The following FRAS1 variants were observed in gnomAD, a reference collection of about 807,000 sequenced individuals.
FRAS1 encodes the protein extracellular matrix organizing protein FRAS1.
A neutral mutation model predicts 435.2 loss-of-function variants in FRAS1; 290 were observed. The ratio of observed to expected loss-of-function variants is 0.67; its 90% CI spans 0.61 to 0.73. FRAS1 has a LOEUF of 0.73. Among genes scored for constraint, FRAS1 ranks in the 30% least tolerant of loss-of-function variants. FRAS1 has a pLI of 0.00. For missense variants in FRAS1, 4,860 were observed against 5,001.5 expected, an observed-to-expected ratio of 0.97 and a Z score of 0.85; for synonymous variants, 1,800 against 1,851.0, an observed-to-expected ratio of 0.97 and a Z score of 0.71.
At chr4:78,162,455 A>C (rs1721183132) in intron 2 of FRAS1, among the ~76,000 whole-genome samples, 1 of 152,194 alleles carries the variant, frequency 6.6e-6, no homozygotes, top group East Asian at 1.9e-4. Flanking sequence ...GGACTCCCAC[A>C]TTGCTGAGCA....
chr4:78,466,059 T>C (rs1037519323), intron 49 of FRAS1, 149 bp from the exon 50 acceptor site: 2 of 617,014 alleles, frequency 3.2e-6, no homozygotes, highest in Non-Finnish European at 5.8e-6. Flanking sequence ...TCTCTTTAGC[T>C]CTATCTTTGG....
chr4:78,298,005 T>C (rs925431841), intron 14 of FRAS1, among the ~76,000 whole-genome samples: 2 of 81,854 alleles, frequency 2.4e-5, no homozygotes, highest in Admixed American at 1.2e-4. Flanking sequence ...AATTTGTTCC[T>C]CTCTCTCTCT....
intron 2 of FRAS1, among the ~76,000 whole-genome samples, chr4:78,147,078 T>C (rs1307589282): frequency 6.6e-6 from 1 of 152,170 alleles, no homozygotes; most frequent in Admixed American, 6.6e-5. Context: ...CTGGATGTTT[T>C]ATAGGCTAAT....
chr4:78,463,115 A>G (rs1719419571), intron 47 of FRAS1, among the ~76,000 whole-genome samples: 1 of 152,104 alleles, frequency 6.6e-6, no homozygotes, highest in Non-Finnish European at 1.5e-5. Context: ...AAAAGATGTC[A>G]TTTTCGTTTC....
chr4:78,071,553 A>G (rs1740349738), intron 2 of FRAS1: 1 of 152,184 alleles, frequency 6.6e-6, no homozygotes, highest in Non-Finnish European at 1.5e-5. Context: ...GAGTTAGGTT[A>G]GCTTTTCTCC....
chr4:78,480,081 C>T (rs948439815), intron 56 of FRAS1, among the ~76,000 whole-genome samples: 2 of 152,144 alleles, frequency 1.3e-5, no homozygotes, highest in Admixed American at 6.5e-5. Context: ...GTGTTATGTA[C>T]AATCCAATTA....
intron 1 of FRAS1, 94 bp from the exon 2 acceptor site, chr4:78,065,891 C>A (rs1740010733): frequency 2.3e-6 from 2 of 858,356 alleles, no homozygotes; most frequent in African/African-American, 1.7e-5. Flanking sequence ...GGTTATGATG[C>A]ATATAGATGC....
At chr4:78,254,914 G>T (rs541403465) in intron 5 of FRAS1, among the ~76,000 whole-genome samples, 21 of 152,084 alleles carry the variant, frequency 1.4e-4, no homozygotes, top group African/African-American at 4.8e-4. Context: ...GGTGCATAGG[G>T]CGCATGCAAC....
intron 2 of FRAS1, among the ~76,000 whole-genome samples, chr4:78,118,768 G>C (rs113459357): frequency 1.3e-5 from 2 of 152,138 alleles, no homozygotes; most frequent in African/African-American, 4.8e-5. Context: ...TGCCCTTCCC[G>C]GGTGAGGCAA....
intron 14 of FRAS1, among the ~76,000 whole-genome samples, chr4:78,305,644 G>C (rs1332969867): frequency 6.8e-6 from 1 of 147,700 alleles, no homozygotes; most frequent in African/African-American, 2.5e-5. Context: ...TTTGATGTTT[G>C]TTGGTTTAAA....
At chr4:78,209,100 G>A (rs1026045947) in intron 2 of FRAS1, among the ~76,000 whole-genome samples, 27 of 151,874 alleles carry the variant, frequency 1.8e-4, no homozygotes, top group African/African-American at 2.7e-4. Context: ...AGCTGTGGTC[G>A]TGCCATGACA....
chr4:78,412,689 A>G (rs1488151652), intron 31 of FRAS1, among the ~76,000 whole-genome samples: 2 of 152,232 alleles, frequency 1.3e-5, no homozygotes, highest in Non-Finnish European at 2.9e-5. Flanking sequence ...ACATATGAAT[A>G]TTCACTATTT....
intron 41 of FRAS1, 110 bp from the exon 42 acceptor site, chr4:78,445,412 C>G: frequency 7.3e-7 from 1 of 1,379,220 alleles, no homozygotes. Context: ...ACTTTATCCT[C>G]AAATACATTT....
At chr4:78,235,688 C>T (rs1724721756) in intron 2 of FRAS1, among the ~76,000 whole-genome samples, 1 of 152,204 alleles carries the variant, frequency 6.6e-6, no homozygotes, top group Non-Finnish European at 1.5e-5. Context: ...GTGGCTCATG[C>T]CTGTAGGCCC....
Position 78,540,569 on chromosome 4 carries a change from C to A in FRAS1, c.11484C>A (p.Tyr3828Ter). ...AGHQWYLQVI[Y>*]IIGPDTISGP... The stretch of plus-strand genomic sequence containing the variant: ...ACCAGTGGTATCTCCAGGTCATCTA[C>A]ATCATTGGCCCTGACACCATCTCAG... Residue 3828 changes from tyrosine to a stop codon, truncating the protein, a stop_gained, in exon 74 of 74, where the codon TAC becomes TAA. Coordinates refer to ENST00000512123, the MANE Select transcript of FRAS1 (RefSeq NM_025074.7). LOFTEE classifies it high-confidence loss of function. The A allele has an allele frequency of 6.6e-7, 1 of 1,514,770 alleles. No individual in the cohort carries two copies. The highest frequency in any genetic ancestry group is 2.2e-5 in the Admixed American group (1 of 44,630). The allele number at this position is 1,514,770 out of a possible 1,614,324, so 93.8% of individuals were successfully genotyped here. A position where few individuals can be genotyped will look rare whatever the true frequency, so the allele number is the denominator to read the frequency against.
intron 65 of FRAS1, 52 bp downstream of exon 65, chr4:78,513,604 G>T (rs1721109929): frequency 5.6e-5 from 84 of 1,507,220 alleles, no homozygotes; most frequent in Non-Finnish European, 7.5e-5. Flanking sequence ...CAGTGCAGTT[G>T]ACTTTCAGGA....
chr4:78,390,067 A>G (rs1422012514), intron 29 of FRAS1, among the ~76,000 whole-genome samples: 3 of 152,236 alleles, frequency 2.0e-5, no homozygotes, highest in African/African-American at 7.2e-5. Flanking sequence ...AGCATTCATC[A>G]GGATGTACTA....
chr4:78,203,019 A>C (rs1249556168), intron 2 of FRAS1, among the ~76,000 whole-genome samples: 2 of 152,210 alleles, frequency 1.3e-5, no homozygotes, highest in African/African-American at 4.8e-5. Context: ...CCAAGCTATC[A>C]TTTAAAAAAA....
Position 78,511,467 on chromosome 4 carries a change from T to C in FRAS1, c.9974T>C (p.Leu3325Ser). The C allele has an allele frequency of 6.2e-7, 1 of 1,613,796 alleles. No homozygotes were observed. The highest frequency in any genetic ancestry group is 2.2e-5 in the East Asian group (1 of 44,838). The change falls in exon 64 of 74, where the codon TTG (leucine) becomes TCG (serine). Residue 3325 changes from leucine to serine, a missense_variant. Physicochemically the swap from Leu to Ser is moderately radical, Grantham distance 145. Coordinates refer to ENST00000512123, the MANE Select transcript of FRAS1 (RefSeq NM_025074.7). ...CAGGCTCAGTCCTTCATCGCAACCT[T>C]GAAATACCTGGATGTCAAACATAAG... ...GFQAQSFIAT[L>S]KYLDVKHKEH...
Sources: gnomAD v4.1 joint callset for allele counts (sites outside exome capture counted in the v4.1 genomes callset) on GRCh38, gnomAD v4.1.1 for gene constraint, MANE v1.5 for transcripts, NCBI Gene and HGNC (gene_info 2026-07-23, HGNC 2026-07-21) for gene names.